ETV5: variants seen among roughly 807,000 people sequenced by gnomAD.
ETV5 encodes ETS variant transcription factor 5.
Under a neutral mutation model 70.0 loss-of-function variants are expected in ETV5, and 10 were observed. The observed-to-expected ratio is 0.14, with a 90% CI of 0.09 to 0.24. The LOEUF (loss-of-function observed/expected upper bound fraction) is 0.24, where lower values mean the gene tolerates loss of function less well. Among genes scored for constraint, ETV5 ranks in the 10% least tolerant of loss-of-function variants. The pLI, the probability that ETV5 is intolerant of heterozygous loss-of-function variation, is 1.00. For synonymous variants in ETV5, 216 were observed against 242.2 expected, an observed-to-expected ratio of 0.89 and a Z score of 1.01; for missense variants, 453 against 651.2, an observed-to-expected ratio of 0.70 and a Z score of 3.31.
intron 7 of ETV5, among the ~76,000 whole-genome samples, chr3:186,073,873 C>T (rs1197779024): frequency 2.6e-5 from 4 of 152,054 alleles, no homozygotes; most frequent in Non-Finnish European, 4.4e-5. Flanking sequence ...TGTACAGTCA[C>T]CCCAGCCTTA....
At chr3:186,090,107 G>GA (rs146947983) in intron 5 of ETV5, among the ~76,000 whole-genome samples, 4 of 151,920 alleles carry the variant, frequency 2.6e-5, no homozygotes, top group East Asian at 1.9e-4. Flanking sequence ...ATATTTGGAG[G>GA]AAAAAAAATC....
At chr3:186,085,669 C>T (rs536160697) in intron 5 of ETV5, among the ~76,000 whole-genome samples, 5 of 152,088 alleles carry the variant, frequency 3.3e-5, no homozygotes, top group South Asian at 4.2e-4. Context: ...CCACCACTCC[C>T]GGCTAATTTT....
intron 9 of ETV5, among the ~76,000 whole-genome samples, chr3:186,060,835 G>A (rs1713285826): frequency 6.6e-6 from 1 of 152,122 alleles, no homozygotes; most frequent in African/African-American, 2.4e-5. Context: ...TTAAGAGCAT[G>A]CTCTTTCCTA....
chr3:186,094,039 T>G (rs1714247950), intron 5 of ETV5, among the ~76,000 whole-genome samples: 1 of 152,236 alleles, frequency 6.6e-6, no homozygotes, highest in South Asian at 2.1e-4. Flanking sequence ...TGGCAAGGCA[T>G]GCCTTTGGTC....
In ETV5 at chr3:186,079,883, C is replaced by A; in HGVS notation, c.584G>T (p.Arg195Leu). 6.7e-7 allele frequency: 1 copy of A among 1,494,408 alleles called. No individual in the cohort carries two copies. The highest frequency in any genetic ancestry group is 1.2e-5 in the South Asian group (1 of 86,540). The allele number at this position is 1,494,408 out of a possible 1,614,324, so 92.6% of individuals were successfully genotyped here. The change falls in exon 7 of 13, where the codon CGA becomes CTA. Residue 195 changes from arginine to leucine, a missense_variant. Around this residue, in one of 4 missense-constraint regions of ETV5, gnomAD observed 307 missense variants for 344.9 expected, o/e 0.89. Coordinates refer to ENST00000306376, the MANE Select transcript of ETV5 (RefSeq NM_004454.3). Reference protein sequence around the residue: ...GPQQQTFAVPRPPHQPLQMPK... With the variant: ...GPQQQTFAVPLPPHQPLQMPK... ...CATCTGCAGGGGCTGATGTGGTGGT[C>A]GGGGGACCGCAAATGTTTGCTGCTG... is the stretch of plus-strand genomic sequence containing the variant.
chr3:186,090,257 C>T (rs1378697562), intron 5 of ETV5, among the ~76,000 whole-genome samples: 4 of 152,180 alleles, frequency 2.6e-5, no homozygotes, highest in South Asian at 4.1e-4. Context: ...TAGCCTTACA[C>T]AAGGATATAT....
intron 5 of ETV5, among the ~76,000 whole-genome samples, chr3:186,101,355 C>G (rs924811424): frequency 2.6e-5 from 4 of 152,158 alleles, no homozygotes; most frequent in African/African-American, 9.7e-5. Context: ...GATCACTACT[C>G]GCTTCAACTG....
At position 186,052,075 on chromosome 3, in the gene ETV5, C is replaced by T; in HGVS notation, c.1266G>A (p.Leu422=). The change falls in exon 12 of 13, where the codon CTG becomes CTA. Residue 422 remains leucine (L), a synonymous_variant. Transcript: ENST00000306376. The surrounding 1 kb of genome is among the most constrained non-coding windows in gnomAD (Gnocchi z 4.5). ...CATAGTAATAGCGGAGAGAGCGGCT[C>T]AGCTTGTCATAGTTCATGGCTGGCC... ...KNRPAMNYDK[L]SRSLRYYYEK... 1 of 1,613,986 alleles carries T rather than the reference C, an allele frequency of 6.2e-7. No individual in the cohort carries two copies. The highest frequency in any genetic ancestry group is 8.5e-7 in the Non-Finnish European group (1 of 1,179,920).
chr3:186,093,681 A>G (rs1342105891), intron 5 of ETV5, among the ~76,000 whole-genome samples: 1 of 152,196 alleles, frequency 6.6e-6, no homozygotes, highest in East Asian at 1.9e-4. Context: ...TGACCGGCCC[A>G]AGTGTGGGGG....
intron 1 of ETV5, chr3:186,108,314 A>G: frequency 2.2e-6 from 1 of 455,822 alleles, no homozygotes; most frequent in South Asian, 1.6e-5. Flanking sequence ...GTGCGCCCCG[A>G]TTTTCTCGAG....
intron 9 of ETV5, among the ~76,000 whole-genome samples, chr3:186,059,716 G>T (rs779642526): frequency 6.6e-6 from 1 of 152,124 alleles, no homozygotes; most frequent in Non-Finnish European, 1.5e-5. Flanking sequence ...GAAATTAACT[G>T]AATAATGTCA....
chr3:186,089,307 AAGCAG>A, intron 5 of ETV5, among the ~76,000 whole-genome samples: 1 of 152,368 alleles, frequency 6.6e-6, no homozygotes, highest in East Asian at 1.9e-4. Flanking sequence ...CAAGTTCTAA[AAGCAG>A]AATTGGTGTA....
In ETV5 at chr3:186,052,569, G is replaced by A. The variant is rs1182976677; in HGVS notation, c.1210-438C>T. Among the ~76,000 whole-genome samples, 3 of 152,188 alleles carry A rather than the reference G, an allele frequency of 2.0e-5. No individual in the cohort carries two copies. Among genetic ancestry groups the A allele is most frequent in the African/African-American group, 7.2e-5 (3 of 41,436 alleles). ...AGTGAGTTGCTAATGGGCCAGCAGA[G>A]CAAAAGTTCAATTCTAATAAGATTG... On this transcript the variant is annotated intron_variant, in intron 11 of 12. Transcript: ENST00000306376. This position sits in a 1 kb window ranked among gnomAD's most constrained non-coding sequence, Gnocchi z 4.5.
In ETV5 at chr3:186,048,444, G is replaced by C. The variant is rs931800955; in HGVS notation, c.*195C>G. On this transcript the variant is annotated 3_prime_UTR_variant, in exon 13 of 13. Coordinates refer to ENST00000306376, the MANE Select transcript of ETV5 (RefSeq NM_004454.3). ...GGCACTGGCCTTTTGGTGGTTTTCTGCCCCTCCCTGTTCCCACTCCCCAGC... is the reference window on the plus strand; with the variant it reads ...GGCACTGGCCTTTTGGTGGTTTTCTCCCCCTCCCTGTTCCCACTCCCCAGC... The C allele has an allele frequency of 8.5e-6, 5 of 588,002 alleles. No individual in the cohort carries two copies. The highest frequency in any genetic ancestry group is 1.5e-5 in the Non-Finnish European group (5 of 330,646). The allele number at this position is 588,002 out of a possible 1,614,324, so 36.4% of individuals were successfully genotyped here.
At chr3:186,069,826 T>G (rs1713557372) in intron 7 of ETV5, among the ~76,000 whole-genome samples, 1 of 152,166 alleles carries the variant, frequency 6.6e-6, no homozygotes, top group South Asian at 2.1e-4. Flanking sequence ...TATTTTTTGT[T>G]GAGACGGCGT....
chr3:186,087,080 C>G (rs1714076772), intron 5 of ETV5, among the ~76,000 whole-genome samples: 2 of 151,664 alleles, frequency 1.3e-5, no homozygotes, highest in South Asian at 4.2e-4. Context: ...GATTGGAAAG[C>G]TTAACATTAT....
At chr3:186,079,044 C>T (rs1713866891) in intron 7 of ETV5, 2 of 1,065,408 alleles carry the variant, frequency 1.9e-6, no homozygotes. Context: ...TGGCCACCAT[C>T]TTGCATCCTT....
At chr3:186,071,309 A>C (rs1168854521) in intron 7 of ETV5, among the ~76,000 whole-genome samples, 1 of 152,218 alleles carries the variant, frequency 6.6e-6, no homozygotes, top group African/African-American at 2.4e-5. Context: ...AAAATCTGCC[A>C]AGAAATCAAC....
chr3:186,094,740 A>C (rs925599412), intron 5 of ETV5, among the ~76,000 whole-genome samples: 3 of 152,204 alleles, frequency 2.0e-5, no homozygotes, highest in African/African-American at 7.2e-5. Context: ...AAAATATTTT[A>C]TACAGGATGA....
Sources: allele counts gnomAD v4.1 joint callset (sites outside exome capture counted in the v4.1 genomes callset), GRCh38; gene constraint gnomAD v4.1.1; regional missense constraint gnomAD v4.1.1; non-coding constraint Gnocchi (gnomAD v3.1); transcripts MANE v1.5; gene names NCBI Gene and HGNC (gene_info 2026-07-23, HGNC 2026-07-21).